TASL: variants seen among roughly 807,000 people sequenced by gnomAD.
The protein encoded by TASL is TLR adapter interacting with SLC15A4 on the lysosome.
TASL carries 6 observed loss-of-function variants against 12.9 expected under a neutral mutation model. The ratio of observed to expected loss-of-function variants is 0.46; its 90% CI spans 0.25 to 0.92. The LOEUF (loss-of-function observed/expected upper bound fraction) is 0.92. Among genes scored for constraint, TASL ranks in the 40% least tolerant of loss-of-function variants. The pLI is 0.17. For missense variants in TASL, 165 were observed against 212.8 expected (o/e 0.78, Z 1.40); for synonymous variants, 85 against 79.3 (o/e 1.07, Z -0.38).
In TASL at chrX:30,559,305, T is replaced by A. The variant is rs1336425012; in HGVS notation, c.*145A>T. On this transcript the variant is annotated 3_prime_UTR_variant, in exon 3 of 3. Transcript: ENST00000378962. ...AGTGTAATATTATGAGATTTCTCCA[T>A]GATTCACACATGACTTCCAGCTGAT... 1 of 438,142 alleles carries A rather than the reference T, an allele frequency of 2.3e-6. No homozygotes were observed. The highest frequency in any genetic ancestry group is 3.9e-6 in the Non-Finnish European group (1 of 254,987). 36.1% of individuals were successfully genotyped at this position (438,142 alleles called of 1,213,427 possible). A position where few individuals can be genotyped will look rare whatever the true frequency, so the allele number is the denominator to read the frequency against.
chrX:30,559,264 C>A lies in TASL; in HGVS notation c.*186G>T, dbSNP rs1930381734. 1 of 387,833 alleles carries A rather than the reference C, an allele frequency of 2.6e-6. No homozygotes were observed. Among genetic ancestry groups the A allele is most frequent in the South Asian group, 6.8e-5 (1 of 14,809 alleles). 32.0% of individuals were successfully genotyped at this position (387,833 alleles called of 1,213,427 possible). ...AAATCATTCCTTATGGCTCCTCTTA[C>A]CATATTCCTTCATCAAGTGTAATAT... On this transcript the variant is annotated 3_prime_UTR_variant, in exon 3 of 3. Transcript: ENST00000378962.
chrX:30,559,749 T>C lies in TASL; in HGVS notation c.607A>G (p.Asn203Asp), dbSNP rs1206851677. The C allele has an allele frequency of 6.6e-6, 8 of 1,211,507 alleles. No homozygotes were observed. Among genetic ancestry groups the C allele is most frequent in the Non-Finnish European group, 8.9e-6 (8 of 895,124 alleles). Residue 203 changes from asparagine to aspartate, a missense_variant, in exon 3 of 3, where the codon AAT becomes GAT. Physicochemically the swap from Asn to Asp is conservative, Grantham distance 23. Transcript: ENST00000378962. ...TTCAGAACTGCATTAGAAATAGGAT[T>C]CTGCATTTGCAAGCTGCTTTTCTCT... ...IKEKSSLQMQ[N>D]PISNAVLNEY...
intron 2 of TASL, among the ~76,000 whole-genome samples, chrX:30,568,354 G>A (rs1930532764): frequency 9.0e-6 from 1 of 111,584 alleles, no homozygotes; most frequent in Non-Finnish European, 1.9e-5. Context: ...AGAGAGAGAT[G>A]ACTGTGTGAC....
intron 2 of TASL, among the ~76,000 whole-genome samples, chrX:30,572,739 T>G (rs1339390914): frequency 1.8e-5 from 2 of 112,289 alleles, no homozygotes; most frequent in Non-Finnish European, 3.8e-5. Flanking sequence ...CAGCAAACTT[T>G]TTTTATACAA....
intron 2 of TASL, among the ~76,000 whole-genome samples, chrX:30,570,785 T>G (rs1251015817): frequency 8.9e-6 from 1 of 112,044 alleles, no homozygotes; most frequent in African/African-American, 3.2e-5. Flanking sequence ...TACATAAAAT[T>G]TATAAACAAA....
At chrX:30,566,709 A>G (rs138458652) in intron 2 of TASL, among the ~76,000 whole-genome samples, 172 of 111,843 alleles carry the variant, frequency 1.5e-3, no homozygotes, top group African/African-American at 5.4e-3. Flanking sequence ...GAATTGTTCA[A>G]CGAAAAATTG....
At chrX:30,575,868 T>G (rs1194691754) in intron 2 of TASL, among the ~76,000 whole-genome samples, 1 of 111,736 alleles carries the variant, frequency 8.9e-6, no homozygotes, top group African/African-American at 3.2e-5. Context: ...GGATTTTTCT[T>G]TATACTCCTT....
chrX:30,563,127 T>C (rs779977484), intron 2 of TASL, among the ~76,000 whole-genome samples: 1 of 111,592 alleles, frequency 9.0e-6, no homozygotes, highest in African/African-American at 3.3e-5. Flanking sequence ...CCACGTGTCG[T>C]GGGAGGGACC....
At chrX:30,560,494 T>A in intron 2 of TASL, 138 bp from the exon 3 acceptor site, 2 of 468,223 alleles carry the variant, frequency 4.3e-6, no homozygotes, top group Non-Finnish European at 7.2e-6. Flanking sequence ...ATTCTGTGCC[T>A]ACTGTGTACC....
At chrX:30,571,262 G>GAAAGAAAGAAAGAA (rs1930599954) in intron 2 of TASL, among the ~76,000 whole-genome samples, 9 of 27,320 alleles carry the variant, frequency 3.3e-4, no homozygotes, top group African/African-American at 9.6e-4. Flanking sequence ...GAAAGAGAAA[G>GAAAGAAAGAAAGAA]AAAGAAAGAA....
chrX:30,567,581 A>T (rs911483000), intron 2 of TASL, among the ~76,000 whole-genome samples: 1 of 111,534 alleles, frequency 9.0e-6, no homozygotes, highest in Non-Finnish European at 1.9e-5. Flanking sequence ...CATCCTAGGC[A>T]TTTGCCTGTG....
chrX:30,570,301 A>G lies in TASL; in HGVS notation c.-2+6451T>C, dbSNP rs756622727. Among the ~76,000 whole-genome samples the G allele has an allele frequency of 1.8e-4, 20 of 110,690 alleles. No individual in the cohort carries two copies. In the East Asian group the frequency reaches 5.3e-3, roughly 30 times the overall value. On this transcript the variant is annotated intron_variant, in intron 2 of 2. Transcript: ENST00000378962. The stretch of plus-strand genomic sequence containing the variant: ...AGAGAGAGAGCACGCACTAGTATTT[A>G]AGAGACCAGAGTTCTCTGATCTTGT...
At chrX:30,567,267 C>T (rs181157777) in intron 2 of TASL, among the ~76,000 whole-genome samples, 12 of 79,283 alleles carry the variant, frequency 1.5e-4, no homozygotes, top group African/African-American at 5.2e-4. Context: ...CAGAGCCAGA[C>T]CATGTCTCAA....
rs375928267 is a variant in TASL, at chrX:30,559,540, A to G, written c.816T>C (p.Phe272=). ...TTGACATCAATTGCAATAGGCGGCT[A>G]AAGACTATATCTCTGGCTTTTGAGG... The part of the protein sequence containing the change: ...LETSKARDIV[F]SRLLQLMSTE... Residue 272 remains phenylalanine, a synonymous_variant, in exon 3 of 3, where the codon TTT becomes TTC. Coordinates refer to ENST00000378962, the MANE Select transcript of TASL (RefSeq NM_025159.3). 7.6e-5 allele frequency: 92 copies of G among 1,206,407 alleles called. No homozygotes were observed. Among genetic ancestry groups the G allele is most frequent in the Middle Eastern group, 6.9e-4 (3 of 4,340 alleles).
intron 2 of TASL, among the ~76,000 whole-genome samples, chrX:30,571,288 AAGAAAGAAAG>A (rs1298460551): frequency 3.1e-4 from 17 of 54,783 alleles, no homozygotes; most frequent in African/African-American, 7.2e-4. Context: ...GAAAGAAAGA[AAGAAAGAAAG>A]AAAGAAAGAA....
chrX:30,565,817 C>T lies in TASL; in HGVS notation c.-1-5461G>A, dbSNP rs1930489360. 2.7e-5 allele frequency among the ~76,000 whole-genome samples: 3 copies of T among 110,736 alleles called. No homozygotes were observed. The South Asian group carries it at 1.2e-3, about 43-fold the overall frequency. ...AGACAGTCTCACTCCTTCACCTAGGCTGGAATGCAGTGGTGTGATCTCGGC... is the reference window on the plus strand; with the variant it reads ...AGACAGTCTCACTCCTTCACCTAGGTTGGAATGCAGTGGTGTGATCTCGGC... On this transcript the variant is annotated intron_variant, in intron 2 of 2. Transcript: ENST00000378962.
chrX:30,573,644 G>A (rs1050488028), intron 2 of TASL, among the ~76,000 whole-genome samples: 1 of 111,748 alleles, frequency 8.9e-6, no homozygotes, highest in African/African-American at 3.3e-5. Flanking sequence ...CAGGCTGCAC[G>A]TGGTGGCTCA....
chrX:30,563,177 C>A (rs760850378), intron 2 of TASL, among the ~76,000 whole-genome samples: 4 of 111,253 alleles, frequency 3.6e-5, no homozygotes, highest in Non-Finnish European at 7.5e-5. Flanking sequence ...TTTCCCCCAT[C>A]CTGTTCTCGT....
rs1930375854 is a variant in TASL at position 30,558,963 on chromosome X, A to G, written c.*487T>C. On this transcript the variant is annotated 3_prime_UTR_variant, in exon 3 of 3. Transcript: ENST00000378962. ...GCTGGGATTACAGGTACCCACCACCATGTCCAGCTAATTTTTTGTATTTTT... is the reference window on the plus strand; with the variant it reads ...GCTGGGATTACAGGTACCCACCACCGTGTCCAGCTAATTTTTTGTATTTTT... 9.0e-6 allele frequency: 1 copy of G among 110,679 alleles called. No individual in the cohort carries two copies. Among genetic ancestry groups the G allele is most frequent in the Non-Finnish European group, 1.9e-5 (1 of 53,162 alleles). The allele number at this position is 110,679 out of a possible 1,213,427, so 9.1% of individuals were successfully genotyped here.
Sources: allele counts gnomAD v4.1 joint callset (sites outside exome capture counted in the v4.1 genomes callset), GRCh38; gene constraint gnomAD v4.1.1; transcripts MANE v1.5; gene names NCBI Gene and HGNC (gene_info 2026-07-23, HGNC 2026-07-21).